The following SENP7 variants were observed in gnomAD, a reference collection of about 807,000 sequenced individuals.
SENP7 encodes the protein sentrin-specific protease 7.
SENP7 carries 64 observed loss-of-function variants against 141.2 expected under a neutral mutation model. That is an observed-to-expected ratio of 0.45 (90% CI 0.37 to 0.56). The LOEUF is 0.56. Among genes scored for constraint, SENP7 ranks in the 20% least tolerant of loss-of-function variants. The probability of loss-of-function intolerance (pLI) is 0.00; values close to 1 mark genes in which losing one functional copy is unlikely to be tolerated. For missense variants in SENP7, 1,025 were observed against 1,212.2 expected, an observed-to-expected ratio of 0.85 and a Z score of 2.29; for synonymous variants, 382 against 426.4, an observed-to-expected ratio of 0.90 and a Z score of 1.28.
chr3:101,351,529 A>G, intron 12 of SENP7, 89 bp downstream of exon 12: 1 of 1,027,532 alleles, frequency 9.7e-7, no homozygotes. Context: ...AAAAAATATT[A>G]AGGTGAAACA....
chr3:101,363,996 T>C (rs901873146), intron 10 of SENP7, among the ~76,000 whole-genome samples: 2 of 152,156 alleles, frequency 1.3e-5, no homozygotes, highest in East Asian at 1.9e-4. Flanking sequence ...GGTAGGAGGA[T>C]TGCTTGAGCC....
rs2058855172 is a variant in SENP7 at position 101,324,602 on chromosome 3, C to A, written c.*1341G>T. ...AATAATATAAAGATAGTGCCAAAAT[C>A]AACAAAAGCTAAGAATACTGAGGCT... On this transcript the variant is annotated 3_prime_UTR_variant, in exon 24 of 24. Transcript: ENST00000394095. 1 of 151,892 alleles carries A rather than the reference C, an allele frequency of 6.6e-6. No individual in the cohort carries two copies. Among genetic ancestry groups the A allele is most frequent in the Non-Finnish European group, 1.5e-5 (1 of 67,924 alleles). 9.4% of individuals were successfully genotyped at this position (151,892 alleles called of 1,614,324 possible). A position where few individuals can be genotyped will look rare whatever the true frequency, so the allele number is the denominator to read the frequency against.
intron 6 of SENP7, among the ~76,000 whole-genome samples, chr3:101,397,601 G>C (rs186830910): frequency 6.6e-6 from 1 of 151,996 alleles, no homozygotes; most frequent in Non-Finnish European, 1.5e-5. Context: ...GTAGAACCTA[G>C]GTGAAAATAT....
intron 11 of SENP7, chr3:101,358,346 G>GT (rs1348596309): frequency 1.5e-6 from 1 of 648,286 alleles, no homozygotes; most frequent in Non-Finnish European, 2.6e-6. Flanking sequence ...AACCTACAGA[G>GT]TCAATAATGT....
At chr3:101,335,247 G>A (rs748167812) in intron 17 of SENP7, among the ~76,000 whole-genome samples, 1 of 152,104 alleles carries the variant, frequency 6.6e-6, no homozygotes, top group Non-Finnish European at 1.5e-5. Context: ...TATGAGATGA[G>A]TTTAAGGAGA....
chr3:101,379,120 CCATT>C (rs1438497130), intron 6 of SENP7, among the ~76,000 whole-genome samples: 1 of 152,072 alleles, frequency 6.6e-6, no homozygotes, highest in African/African-American at 2.4e-5. Flanking sequence ...GGTACCAAGA[CCATT>C]CAATGAGGAA....
At chr3:101,415,779 C>T (rs1446926985) in intron 5 of SENP7, among the ~76,000 whole-genome samples, 2 of 152,126 alleles carry the variant, frequency 1.3e-5, no homozygotes, top group East Asian at 3.8e-4. Flanking sequence ...TGTTCCTGCC[C>T]CAGCATGGCA....
At chr3:101,454,571 T>G (rs1237231316) in intron 4 of SENP7, among the ~76,000 whole-genome samples, 1 of 152,066 alleles carries the variant, frequency 6.6e-6, no homozygotes, top group African/African-American at 2.4e-5. Context: ...TGCAAACACT[T>G]GTATAGGAAT....
At chr3:101,348,075 T>C (rs748984879) in intron 12 of SENP7, 24 bp from the exon 13 acceptor site, 7 of 1,509,886 alleles carry the variant, frequency 4.6e-6, no homozygotes, top group Admixed American at 2.1e-5. Context: ...AAGACAACAA[T>C]TTAAAAAATT....
intron 17 of SENP7, 165 bp downstream of exon 17, chr3:101,337,344 A>G (rs1438925272): frequency 2.4e-6 from 1 of 420,832 alleles, no homozygotes; most frequent in Non-Finnish European, 4.3e-6. Flanking sequence ...GGGCAGCAAA[A>G]CAGTGGAAGG....
intron 4 of SENP7, among the ~76,000 whole-genome samples, chr3:101,458,315 T>A (rs1034825062): frequency 2.0e-5 from 3 of 152,194 alleles, no homozygotes; most frequent in Non-Finnish European, 4.4e-5. Context: ...ATAATTATAA[T>A]TTGCTATTGT....
chr3:101,446,013 A>G (rs150700727), intron 4 of SENP7, among the ~76,000 whole-genome samples: 3 of 152,086 alleles, frequency 2.0e-5, no homozygotes, highest in Non-Finnish European at 2.9e-5. Context: ...TGTAATCCCC[A>G]ATGTTGGAAG....
intron 16 of SENP7, 144 bp downstream of exon 16, chr3:101,339,951 C>A: frequency 9.7e-7 from 1 of 1,026,116 alleles, no homozygotes; most frequent in Non-Finnish European, 1.4e-6. Flanking sequence ...TCTAGAAAAC[C>A]TTGGTAAGCA....
At chr3:101,509,520 C>T (rs1327229725) in intron 1 of SENP7, among the ~76,000 whole-genome samples, 2 of 152,188 alleles carry the variant, frequency 1.3e-5, no homozygotes, top group African/African-American at 4.8e-5. Context: ...TCTCTTCCTC[C>T]GCACTTTGAA....
At chr3:101,463,380 T>TATATAC (rs1553744724) in intron 3 of SENP7, among the ~76,000 whole-genome samples, 15 of 72,128 alleles carry the variant, frequency 2.1e-4, no homozygotes, top group East Asian at 9.3e-4. Flanking sequence ...TATATATATA[T>TATATAC]ATATATATAT....
At chr3:101,342,555 C>T (rs1422625778) in intron 14 of SENP7, among the ~76,000 whole-genome samples, 2 of 152,130 alleles carry the variant, frequency 1.3e-5, no homozygotes, top group African/African-American at 4.8e-5. Flanking sequence ...TTAACATTGG[C>T]CTAATAGTAT....
intron 16 of SENP7, among the ~76,000 whole-genome samples, chr3:101,339,131 C>T (rs184009947): frequency 6.6e-6 from 1 of 152,178 alleles, no homozygotes; most frequent in Non-Finnish European, 1.5e-5. Flanking sequence ...ATAAAAAAGA[C>T]CCACATTTAA....
chr3:101,329,268 T>C (rs2058982793), intron 20 of SENP7, among the ~76,000 whole-genome samples: 1 of 152,186 alleles, frequency 6.6e-6, no homozygotes, highest in African/African-American at 2.4e-5. Flanking sequence ...CCCAACTTAA[T>C]TGACCTTGGA....
chr3:101,392,525 A>G lies in SENP7; in HGVS notation c.677+6336T>C, dbSNP rs183389270. Among the ~76,000 whole-genome samples, 7 of 152,292 alleles carry G rather than the reference A, an allele frequency of 4.6e-5. No homozygotes were observed. In the East Asian group the frequency reaches 7.7e-4, roughly 17 times the overall value. The stretch of plus-strand genomic sequence containing the variant: ...CTAAATTGGAAATTACAAAACACCA[A>G]TGAAAGAAATTAAAGAGGACATAAA... On this transcript the variant is annotated intron_variant, in intron 6 of 23. Coordinates refer to ENST00000394095, the MANE Select transcript of SENP7 (RefSeq NM_020654.5).
Sources: allele counts gnomAD v4.1 joint callset (sites outside exome capture counted in the v4.1 genomes callset), GRCh38; gene constraint gnomAD v4.1.1; transcripts MANE v1.5; gene names NCBI Gene and HGNC (gene_info 2026-07-23, HGNC 2026-07-21).